The following BMPER variants were observed in gnomAD, a reference collection of about 807,000 sequenced individuals.
The protein encoded by BMPER is BMP-binding endothelial regulator protein.
BMPER carries 45 observed loss-of-function variants against 87.3 expected under a neutral mutation model. That is an observed-to-expected ratio of 0.52 (90% CI 0.41 to 0.66). The LOEUF (loss-of-function observed/expected upper bound fraction) is 0.66. Among genes scored for constraint, BMPER ranks in the 30% least tolerant of loss-of-function variants. BMPER has a pLI of 0.00. For synonymous variants in BMPER, 326 were observed against 316.2 expected, an observed-to-expected ratio of 1.03 and a Z score of -0.33; for missense variants, 784 against 867.5, an observed-to-expected ratio of 0.90 and a Z score of 1.21.
chr7:34,103,848 A>G (rs1789749216), intron 13 of BMPER, among the ~76,000 whole-genome samples: 1 of 152,184 alleles, frequency 6.6e-6, no homozygotes. Flanking sequence ...CCTCAGGGTC[A>G]AGCTCACCCT....
chr7:33,925,985 C>T (rs11981800), intron 2 of BMPER, among the ~76,000 whole-genome samples: 1,665 of 152,234 alleles, frequency 0.011, 22 homozygotes, highest in African/African-American at 0.038. Flanking sequence ...ACGATTCCTG[C>T]CTCGCGTCTG....
intron 6 of BMPER, among the ~76,000 whole-genome samples, chr7:34,043,391 T>A (rs1269043967): frequency 6.6e-6 from 1 of 152,130 alleles, no homozygotes; most frequent in Non-Finnish European, 1.5e-5. Context: ...CATGGAGAAT[T>A]GATGTAGACC....
intron 13 of BMPER, among the ~76,000 whole-genome samples, chr7:34,101,720 G>A (rs759973876): frequency 2.0e-5 from 3 of 152,122 alleles, no homozygotes; most frequent in Non-Finnish European, 2.9e-5. Context: ...AACTGTGACC[G>A]ACTTCCTGTC....
intron 6 of BMPER, among the ~76,000 whole-genome samples, chr7:34,016,031 T>TGA (rs1189483619): frequency 9.4e-5 from 14 of 149,512 alleles, no homozygotes; most frequent in Non-Finnish European, 1.3e-4. Context: ...AGAGAGAGAC[T>TGA]GAGAGAGAGA....
At chr7:33,924,050 G>A (rs1475280835) in intron 2 of BMPER, among the ~76,000 whole-genome samples, 1 of 152,082 alleles carries the variant, frequency 6.6e-6, no homozygotes, top group African/African-American at 2.4e-5. Context: ...TGTTGAGCAG[G>A]CATCTCAAAC....
intron 6 of BMPER, among the ~76,000 whole-genome samples, chr7:34,003,658 A>C (rs1380924176): frequency 9.9e-5 from 15 of 151,980 alleles, no homozygotes; most frequent in Middle Eastern, 3.2e-3. Flanking sequence ...GTAATGTCTT[A>C]ATTTCTCCCT....
intron 11 of BMPER, among the ~76,000 whole-genome samples, chr7:34,066,632 T>C (rs1179548990): frequency 6.6e-6 from 1 of 152,196 alleles, no homozygotes; most frequent in African/African-American, 2.4e-5. Flanking sequence ...GTGTAGCATT[T>C]TGTTTATGCA....
intron 4 of BMPER, among the ~76,000 whole-genome samples, chr7:33,968,932 T>G (rs1444746621): frequency 6.6e-6 from 1 of 152,162 alleles, no homozygotes; most frequent in Non-Finnish European, 1.5e-5. Context: ...GAAAAATTGG[T>G]TTGGGGCCAT....
At chr7:34,105,421 T>C (rs980032099) in intron 13 of BMPER, among the ~76,000 whole-genome samples, 5 of 152,162 alleles carry the variant, frequency 3.3e-5, no homozygotes, top group African/African-American at 4.8e-5. Flanking sequence ...CTAGATGATG[T>C]TGGAAGAAAA....
At position 34,006,859 on chromosome 7, in the gene BMPER, T is replaced by C. The variant is rs139526753; in HGVS notation, c.576+32075T>C. Among the ~76,000 whole-genome samples the C allele has an allele frequency of 3.6e-4, 55 of 152,242 alleles. No individual in the cohort carries two copies. In the East Asian group the frequency reaches 5.4e-3, roughly 15 times the overall value. On this transcript the variant is annotated intron_variant, in intron 6 of 14. Coordinates refer to ENST00000649409, the MANE Select transcript of BMPER (RefSeq NM_001365308.1). ...TCAAAGCAATCAATCTGTGTTTTGA[T>C]GTGACTGTTTTTCTCTACCAGAAGT... is the stretch of plus-strand genomic sequence containing the variant.
intron 13 of BMPER, among the ~76,000 whole-genome samples, chr7:34,099,906 ATTGT>A (rs1308199978): frequency 5.5e-5 from 8 of 145,044 alleles, no homozygotes; most frequent in African/African-American, 2.1e-4. Context: ...TTTTTTTTTC[ATTGT>A]TTGTTTTTTT....
intron 6 of BMPER, among the ~76,000 whole-genome samples, chr7:34,020,011 C>G (rs1787138652): frequency 6.7e-6 from 1 of 148,534 alleles, no homozygotes; most frequent in African/African-American, 2.5e-5. Context: ...TGTGGATACA[C>G]CAGAGGAAAG....
chr7:34,101,136 T>C (rs183499677), intron 13 of BMPER, among the ~76,000 whole-genome samples: 1 of 152,340 alleles, frequency 6.6e-6, no homozygotes, highest in East Asian at 1.9e-4. Context: ...TGTTGTTGAA[T>C]AGTTTAGTCC....
At chr7:33,968,839 GA>G (rs1324326161) in intron 4 of BMPER, among the ~76,000 whole-genome samples, 1 of 152,160 alleles carries the variant, frequency 6.6e-6, no homozygotes, top group Non-Finnish European at 1.5e-5. Context: ...TTTCTTATGG[GA>G]AGAGGAAAAT....
chr7:33,929,207 A>G (rs904384202), intron 2 of BMPER, among the ~76,000 whole-genome samples: 1 of 152,170 alleles, frequency 6.6e-6, no homozygotes, highest in African/African-American at 2.4e-5. Flanking sequence ...GGAGGGAAAA[A>G]GAATAACACT....
intron 3 of BMPER, among the ~76,000 whole-genome samples, chr7:33,944,172 T>A (rs1035008185): frequency 6.6e-6 from 1 of 152,012 alleles, no homozygotes; most frequent in African/African-American, 2.4e-5. Context: ...TTTAATTTAT[T>A]ATTATTATTA....
intron 13 of BMPER, among the ~76,000 whole-genome samples, chr7:34,098,804 C>T (rs1021397007): frequency 5.9e-5 from 9 of 152,224 alleles, no homozygotes; most frequent in South Asian, 2.1e-4. Context: ...GATACTGACC[C>T]GTAGTTTTGT....
chr7:34,050,361 T>A (rs916835042), intron 7 of BMPER, among the ~76,000 whole-genome samples: 3 of 152,092 alleles, frequency 2.0e-5, no homozygotes, highest in Non-Finnish European at 4.4e-5. Context: ...AGTCCATATG[T>A]AAGATCCAAA....
intron 13 of BMPER, among the ~76,000 whole-genome samples, chr7:34,119,219 G>A (rs778649336): frequency 2.7e-4 from 41 of 152,184 alleles, no homozygotes; most frequent in Non-Finnish European, 4.7e-4. Flanking sequence ...TGAGTTAAAT[G>A]TTAAGATTGC....
Sources: allele counts gnomAD v4.1 joint callset (sites outside exome capture counted in the v4.1 genomes callset), GRCh38; gene constraint gnomAD v4.1.1; transcripts MANE v1.5; gene names NCBI Gene and HGNC (gene_info 2026-07-23, HGNC 2026-07-21).